MGAT4C: variants seen among roughly 807,000 people sequenced by gnomAD.
The protein encoded by MGAT4C is alpha-1,3-mannosyl-glycoprotein 4-beta-N-acetylglucosaminyltransferase C.
Under a neutral mutation model 40.1 loss-of-function variants are expected in MGAT4C, and 19 were observed. The observed-to-expected ratio is 0.47, with a 90% confidence interval of 0.33 to 0.70. The LOEUF is 0.70. MGAT4C is among the 30% of genes least tolerant of loss of function. MGAT4C has a pLI of 0.02. For missense variants in MGAT4C, 491 were observed against 563.2 expected, an observed-to-expected ratio of 0.87 and a Z score of 1.30; for synonymous variants, 181 against 187.1, an observed-to-expected ratio of 0.97 and a Z score of 0.27.
chr12:86,492,850 G>T (rs1958164796), intron 2 of MGAT4C, among the ~76,000 whole-genome samples: 1 of 152,112 alleles, frequency 6.6e-6, no homozygotes. Context: ...TACCATCAGA[G>T]TGAACAGGCA....
At chr12:86,452,454 T>C (rs1483186542) in intron 2 of MGAT4C, among the ~76,000 whole-genome samples, 1 of 151,880 alleles carries the variant, frequency 6.6e-6, no homozygotes, top group African/African-American at 2.4e-5. Context: ...TTCCTTGTCT[T>C]GTGTGACTGC....
At chr12:86,511,993 T>G (rs1381871448) in intron 2 of MGAT4C, among the ~76,000 whole-genome samples, 1 of 152,092 alleles carries the variant, frequency 6.6e-6, no homozygotes, top group East Asian at 1.9e-4. Context: ...GCAATCCATA[T>G]ATCTGATAAA....
chr12:86,311,463 T>G (rs758899303), intron 4 of MGAT4C, among the ~76,000 whole-genome samples: 2 of 110,544 alleles, frequency 1.8e-5, no homozygotes, highest in Admixed American at 2.0e-4. Flanking sequence ...TTAGGATTTT[T>G]GCTTTGGTCT....
chr12:86,428,070 A>T (rs906568553), intron 3 of MGAT4C, among the ~76,000 whole-genome samples: 3 of 151,964 alleles, frequency 2.0e-5, no homozygotes, highest in Non-Finnish European at 4.4e-5. Flanking sequence ...CAACAAAAAA[A>T]CCCGCTAATA....
rs931612746 is a variant in MGAT4C at position 86,344,733 on chromosome 12, T to C, written c.-119-10606A>G. On this transcript the variant is annotated intron_variant, in intron 3 of 7. Coordinates refer to the MGAT4C transcript ENST00000548651. ...TCTCTTCTCGGTGTGTGTGTGTGTG[T>C]GTGTGTGTGTGTGTGTGTGTGTATG... is the stretch of plus-strand genomic sequence containing the variant. Among the ~76,000 whole-genome samples, 445 of 142,726 alleles carry C rather than the reference T, an allele frequency of 3.1e-3. 2 individuals are homozygous for C. Among genetic ancestry groups the C allele is most frequent in the African/African-American group, 0.011 (425 of 39,968 alleles). The allele number at this position is 142,726 out of a possible 152,430, so 93.6% of individuals were successfully genotyped here.
At chr12:86,001,778 T>C (rs185648805) in intron 2 of MGAT4C, 218 of 343,740 alleles carry the variant, frequency 6.3e-4, no homozygotes, top group Non-Finnish European at 8.4e-4. Flanking sequence ...TGAAATATTT[T>C]CCTTGGTTCT....
intron 3 of MGAT4C, among the ~76,000 whole-genome samples, chr12:85,984,007 A>G (rs1279369240): frequency 5.3e-5 from 8 of 152,206 alleles, no homozygotes; most frequent in Non-Finnish European, 7.3e-5. Flanking sequence ...ATTTTTGACA[A>G]TCATTTAAGG....
intron 1 of MGAT4C, among the ~76,000 whole-genome samples, chr12:86,761,965 G>C (rs537388641): frequency 6.6e-6 from 1 of 152,138 alleles, no homozygotes; most frequent in African/African-American, 2.4e-5. Flanking sequence ...CTTTGTCAGG[G>C]GGGCATTATT....
chr12:86,712,729 T>A (rs1950579264), intron 2 of MGAT4C, among the ~76,000 whole-genome samples: 1 of 152,128 alleles, frequency 6.6e-6, no homozygotes, highest in African/African-American at 2.4e-5. Context: ...AGGGTGCTTA[T>A]AGTCTCAAGT....
chr12:86,203,609 C>G (rs1446897189), intron 1 of MGAT4C, among the ~76,000 whole-genome samples: 1 of 152,024 alleles, frequency 6.6e-6, no homozygotes, highest in Non-Finnish European at 1.5e-5. Context: ...GACAAAATGC[C>G]AGATTGAATG....
intron 1 of MGAT4C, among the ~76,000 whole-genome samples, chr12:86,752,980 A>C (rs1288384576): frequency 6.6e-6 from 1 of 152,162 alleles, no homozygotes; most frequent in African/African-American, 2.4e-5. Flanking sequence ...AACTTCTATA[A>C]CCTTGAGTTA....
chr12:86,385,205 T>C (rs989929915), intron 3 of MGAT4C, among the ~76,000 whole-genome samples: 1 of 152,180 alleles, frequency 6.6e-6, no homozygotes, highest in Non-Finnish European at 1.5e-5. Context: ...AATTGGCAAC[T>C]GACATGCTCT....
chr12:86,771,981 A>C (rs918354383), intron 1 of MGAT4C, among the ~76,000 whole-genome samples: 1 of 152,184 alleles, frequency 6.6e-6, no homozygotes, highest in Admixed American at 6.6e-5. Context: ...AAAATACTAA[A>C]GGAGAGAGAT....
chr12:86,273,845 C>T (rs1367355134), intron 4 of MGAT4C, among the ~76,000 whole-genome samples: 3 of 152,164 alleles, frequency 2.0e-5, no homozygotes, highest in African/African-American at 7.2e-5. Context: ...TTTAATCCAA[C>T]AGAAACTTTA....
chr12:86,207,046 A>G (rs955777323), intron 1 of MGAT4C, among the ~76,000 whole-genome samples: 1 of 152,132 alleles, frequency 6.6e-6, no homozygotes, highest in Non-Finnish European at 1.5e-5. Context: ...AAATCTTTAC[A>G]GTTATAGAAA....
At chr12:86,007,485 T>G (rs1369922919) in intron 2 of MGAT4C, among the ~76,000 whole-genome samples, 3 of 152,146 alleles carry the variant, frequency 2.0e-5, no homozygotes, top group Non-Finnish European at 4.4e-5. Context: ...AAAGGTCTAA[T>G]GGGCTCATAT....
At chr12:86,575,250 A>G (rs1158204561) in intron 2 of MGAT4C, among the ~76,000 whole-genome samples, 2 of 40,668 alleles carry the variant, frequency 4.9e-5, no homozygotes, top group African/African-American at 1.0e-4. Context: ...ATTTTAAAAT[A>G]CACAAGTTAT....
At chr12:86,591,690 T>G (rs1450867022) in intron 2 of MGAT4C, among the ~76,000 whole-genome samples, 1 of 151,672 alleles carries the variant, frequency 6.6e-6, no homozygotes, top group Admixed American at 6.6e-5. Flanking sequence ...GTTCAATACA[T>G]TTTAAGCAAT....
intron 2 of MGAT4C, among the ~76,000 whole-genome samples, chr12:86,715,681 A>T: frequency 6.6e-6 from 1 of 152,082 alleles, no homozygotes; most frequent in East Asian, 1.9e-4. Flanking sequence ...GTCCTAAGCA[A>T]TATTTACTGT....
Sources: allele counts gnomAD v4.1 joint callset (sites outside exome capture counted in the v4.1 genomes callset), GRCh38; gene constraint gnomAD v4.1.1; transcripts MANE v1.5; gene names NCBI Gene and HGNC (gene_info 2026-07-23, HGNC 2026-07-21).